Variants in MGST1 observed in about 807,000 individuals in gnomAD.
MGST1 encodes the protein glutathione S-transferase 12.
MGST1 carries 5 observed loss-of-function variants against 8.9 expected under a neutral mutation model. That is an observed-to-expected ratio of 0.56 (90% CI 0.29 to 1.19). MGST1 has a LOEUF of 1.19. Ranked by LOEUF, MGST1 falls within the 50% of genes most tolerant of loss-of-function variation. The probability of loss-of-function intolerance (pLI) is 0.08; values close to 1 mark genes in which losing one functional copy is unlikely to be tolerated. For synonymous variants in MGST1, 54 were observed against 67.8 expected (o/e 0.80, Z 1.00); for missense variants, 182 against 187.4 (o/e 0.97, Z 0.17).
At chr12:16,351,639 G>A (rs1007168136) in intron 1 of MGST1, among the ~76,000 whole-genome samples, 8 of 152,032 alleles carry the variant, frequency 5.3e-5, no homozygotes, top group South Asian at 2.1e-4. Context: ...GTGAAACCCC[G>A]TCTTTACTAA....
At position 16,414,132 on chromosome 12, in the gene MGST1, G is replaced by A. The variant is rs542992426; in HGVS notation, n.779-23256G>A. ...AGAGGTAATATTGGTGCTCAGAAAG[G>A]CTCTCAGGTCCCCCCTAGCTTTCAT... On this transcript the variant is annotated intron_variant and non_coding_transcript_variant, in intron 1 of 1. Transcript: ENST00000359720. 4.6e-5 allele frequency among the ~76,000 whole-genome samples: 7 copies of A among 151,672 alleles called. No individual in the cohort carries two copies. In the South Asian group the frequency reaches 1.0e-3, roughly 22 times the overall value.
chr12:16,579,001 A>G (rs1411895682), intron 4 of MGST1, among the ~76,000 whole-genome samples: 1 of 152,204 alleles, frequency 6.6e-6, no homozygotes, highest in East Asian at 1.9e-4. Context: ...CTAGTATATT[A>G]CATTTGTACA....
chr12:16,352,939 A>T (rs1939534359), intron 1 of MGST1, among the ~76,000 whole-genome samples: 1 of 152,120 alleles, frequency 6.6e-6, no homozygotes, highest in Non-Finnish European at 1.5e-5. Flanking sequence ...TAAGGATATT[A>T]TAAATTTATT....
intron 4 of MGST1, among the ~76,000 whole-genome samples, chr12:16,524,705 G>T (rs1941671166): frequency 6.6e-6 from 1 of 151,908 alleles, no homozygotes; most frequent in Admixed American, 6.6e-5. Context: ...CAATGTTTTG[G>T]TCTTCATTTT....
chr12:16,574,155 C>A (rs1274523420), intron 4 of MGST1, among the ~76,000 whole-genome samples: 1 of 151,990 alleles, frequency 6.6e-6, no homozygotes, highest in Non-Finnish European at 1.5e-5. Context: ...CCACCAAGAC[C>A]CAGAGTAAGT....
chr12:16,372,537 TGAGAATGTG>T (rs971841960), intron 3 of MGST1, among the ~76,000 whole-genome samples: 2 of 151,950 alleles, frequency 1.3e-5, no homozygotes, highest in Non-Finnish European at 2.9e-5. Flanking sequence ...CAGATTCTAG[TGAGAATGTG>T]GCAAGAGGGG....
intron 1 of MGST1, among the ~76,000 whole-genome samples, chr12:16,403,852 A>G (rs1591718559): frequency 6.6e-6 from 1 of 152,106 alleles, no homozygotes. Flanking sequence ...CTCACTCACT[A>G]TCATGAGAAC....
intron 3 of MGST1, among the ~76,000 whole-genome samples, chr12:16,360,733 C>T (rs1457321238): frequency 6.6e-6 from 1 of 152,148 alleles, no homozygotes; most frequent in Non-Finnish European, 1.5e-5. Context: ...AATATATTCC[C>T]TTTAAAGGTA....
chr12:16,449,229 A>G (rs1055791986), intron 4 of MGST1, among the ~76,000 whole-genome samples: 3 of 151,944 alleles, frequency 2.0e-5, no homozygotes, highest in Non-Finnish European at 2.9e-5. Flanking sequence ...GGGACTTACA[A>G]TCATGGCAGA....
chr12:16,354,996 C>T (rs1038202864), intron 2 of MGST1, among the ~76,000 whole-genome samples: 2 of 151,534 alleles, frequency 1.3e-5, no homozygotes, highest in African/African-American at 4.9e-5. Flanking sequence ...ATTATGTATT[C>T]AAGCAGGGTT....
At chr12:16,432,668 T>C (rs890360874) in intron 1 of MGST1, among the ~76,000 whole-genome samples, 24 of 137,382 alleles carry the variant, frequency 1.7e-4, no homozygotes, top group African/African-American at 5.8e-4. Flanking sequence ...AAATCTCTCC[T>C]CTCTCTCTCT....
At chr12:16,380,999 C>A (rs982914415), downstream of MGST1, among the ~76,000 whole-genome samples, 7 of 152,100 alleles carry the variant, frequency 4.6e-5, no homozygotes, top group African/African-American at 9.7e-5. Context: ...CGCTTGGTAG[C>A]TCTTCCTCCA....
At position 16,503,352 on chromosome 12, in the gene MGST1, C is replaced by T. The variant is rs1431930645; in HGVS notation, n.483-86176C>T. ...CTTCACTCATAAATGTTATTTTTTC[C>T]TTTCTTTTATGTTTTATTTCCAATA... On this transcript the variant is annotated intron_variant and non_coding_transcript_variant, in intron 4 of 4. Coordinates refer to the MGST1 transcript ENST00000538857. This position sits in a 1 kb window ranked among gnomAD's most constrained non-coding sequence, Gnocchi z 4.8. Among the ~76,000 whole-genome samples, 2 of 151,952 alleles carry T rather than the reference C, an allele frequency of 1.3e-5. No individual in the cohort carries two copies. Among genetic ancestry groups the T allele is most frequent in the African/African-American group, 4.8e-5 (2 of 41,382 alleles).
intron 4 of MGST1, among the ~76,000 whole-genome samples, chr12:16,504,572 A>G (rs1281949434): frequency 6.6e-6 from 1 of 152,030 alleles, no homozygotes; most frequent in Non-Finnish European, 1.5e-5. Flanking sequence ...CCAACCCCCA[A>G]TACCCTAATA....
At chr12:16,479,535 C>CTTTTTTTTTTT (rs71054820) in intron 4 of MGST1, among the ~76,000 whole-genome samples, 1 of 113,122 alleles carries the variant, frequency 8.8e-6, no homozygotes, top group African/African-American at 3.8e-5. Flanking sequence ...CGCCCGGCCT[C>CTTTTTTTTTTT]TTTTTTTTTT....
intron 4 of MGST1, among the ~76,000 whole-genome samples, chr12:16,495,030 A>G (rs1941461189): frequency 6.6e-6 from 1 of 152,196 alleles, no homozygotes; most frequent in Admixed American, 6.5e-5. Flanking sequence ...CACCAGCTGT[A>G]TGGAGTTAGG....
chr12:16,489,845 A>G (rs966468811), intron 4 of MGST1, among the ~76,000 whole-genome samples: 1 of 152,182 alleles, frequency 6.6e-6, no homozygotes, highest in Non-Finnish European at 1.5e-5. Flanking sequence ...AGAGACTTCT[A>G]CATTCTCACC....
In MGST1 at chr12:16,401,285, T is replaced by C; in HGVS notation, n.778+17681T>C. On this transcript the variant is annotated intron_variant and non_coding_transcript_variant, in intron 1 of 1. Transcript: ENST00000359720. The surrounding 1 kb of genome is among the most constrained non-coding windows in gnomAD (Gnocchi z 4.3). Reference sequence around the variant, plus strand: ...TTAGTCAGGTCTGAGAATCCCAAACTGATGCTGAAAACCATTCCTGTCTTC... The same window carrying C: ...TTAGTCAGGTCTGAGAATCCCAAACCGATGCTGAAAACCATTCCTGTCTTC... 6.5e-7 allele frequency: 1 copy of C among 1,538,844 alleles called. No homozygotes were observed. The highest frequency in any genetic ancestry group is 9.0e-7 in the Non-Finnish European group (1 of 1,114,506).
Position 16,576,786 on chromosome 12 carries a change from T to C in MGST1, n.483-12742T>C, listed in dbSNP as rs369384526. Among the ~76,000 whole-genome samples the C allele has an allele frequency of 1.3e-5, 2 of 152,348 alleles. No individual in the cohort carries two copies. The highest frequency in any genetic ancestry group is 3.4e-3 in the Middle Eastern group (1 of 294). On this transcript the variant is annotated intron_variant and non_coding_transcript_variant, in intron 4 of 4. Coordinates refer to the MGST1 transcript ENST00000538857. The surrounding 1 kb of genome is among the most constrained non-coding windows in gnomAD (Gnocchi z 4.1). ...GGGATTTTACTTATGACCCCTAGAT[T>C]AGTACCATCTATTTTTAAATACCAT... is the stretch of plus-strand genomic sequence containing the variant.
Sources: gnomAD v4.1 joint callset for allele counts (sites outside exome capture counted in the v4.1 genomes callset) on GRCh38, gnomAD v4.1.1 for gene constraint, Gnocchi (gnomAD v3.1) non-coding constraint, MANE v1.5 for transcripts, NCBI Gene and HGNC (gene_info 2026-07-23, HGNC 2026-07-21) for gene names.